BTRC: variants seen among roughly 807,000 people sequenced by gnomAD.
The protein encoded by BTRC is F-box/WD repeat-containing protein 1A.
A neutral mutation model predicts 85.5 loss-of-function variants in BTRC; 42 were observed. The ratio of observed to expected loss-of-function variants is 0.49; its 90% CI spans 0.38 to 0.64. The LOEUF (loss-of-function observed/expected upper bound fraction) is 0.64, where lower values mean the gene tolerates loss of function less well. Among genes scored for constraint, BTRC ranks in the 30% least tolerant of loss-of-function variants. BTRC has a pLI of 0.00. For missense variants in BTRC, 594 were observed against 743.5 expected, an observed-to-expected ratio of 0.80 and a Z score of 2.34; for synonymous variants, 255 against 263.3, an observed-to-expected ratio of 0.97 and a Z score of 0.30.
intron 4 of BTRC, among the ~76,000 whole-genome samples, chr10:101,500,798 C>A (rs1043078306): frequency 6.6e-6 from 1 of 152,144 alleles, no homozygotes; most frequent in Admixed American, 6.5e-5. Context: ...AGAATGATAG[C>A]ATTTCTTTGC....
At chr10:101,388,389 C>T (rs1215847390) in intron 1 of BTRC, among the ~76,000 whole-genome samples, 1 of 151,450 alleles carries the variant, frequency 6.6e-6, no homozygotes, top group Admixed American at 6.6e-5. Context: ...GACAGGGTCT[C>T]TCTCTGTTGC....
At chr10:101,392,488 TTTGTTG>T (rs906384636) in intron 1 of BTRC, among the ~76,000 whole-genome samples, 1 of 152,080 alleles carries the variant, frequency 6.6e-6, no homozygotes, top group Non-Finnish European at 1.5e-5. Context: ...TTGAAAGTTT[TTTGTTG>T]TTGTTGTTGT....
At chr10:101,357,708 A>G (rs1186026013) in intron 1 of BTRC, among the ~76,000 whole-genome samples, 1 of 152,204 alleles carries the variant, frequency 6.6e-6, no homozygotes, top group African/African-American at 2.4e-5. Context: ...TTGCTATACT[A>G]AAGTGCCTTG....
At chr10:101,550,476 G>T (rs2062632131) in intron 13 of BTRC, among the ~76,000 whole-genome samples, 1 of 151,890 alleles carries the variant, frequency 6.6e-6, no homozygotes, top group East Asian at 1.9e-4. Context: ...TAGAGATGGG[G>T]TTTCACTGTG....
At chr10:101,516,459 G>A (rs1312712132) in intron 4 of BTRC, among the ~76,000 whole-genome samples, 1 of 152,112 alleles carries the variant, frequency 6.6e-6, no homozygotes, top group Non-Finnish European at 1.5e-5. Context: ...GTGGTTGAGA[G>A]TAACCCATTT....
intron 4 of BTRC, among the ~76,000 whole-genome samples, chr10:101,500,388 G>T (rs1374268677): frequency 1.3e-5 from 2 of 152,160 alleles, no homozygotes; most frequent in African/African-American, 4.8e-5. Context: ...AGTTGTATAT[G>T]CAGTTATTGA....
At chr10:101,406,736 G>T (rs1374330002) in intron 1 of BTRC, among the ~76,000 whole-genome samples, 1 of 151,082 alleles carries the variant, frequency 6.6e-6, no homozygotes, top group Non-Finnish European at 1.5e-5. Flanking sequence ...GTTTTGCCAT[G>T]TTGGCCAGGC....
intron 4 of BTRC, among the ~76,000 whole-genome samples, chr10:101,485,464 A>G (rs901958755): frequency 7.2e-5 from 11 of 152,238 alleles, no homozygotes; most frequent in Non-Finnish European, 7.3e-5. Flanking sequence ...AGAGAAAGGC[A>G]GGACCCAGGT....
At chr10:101,442,177 A>C (rs1327133139) in intron 2 of BTRC, among the ~76,000 whole-genome samples, 1 of 152,114 alleles carries the variant, frequency 6.6e-6, no homozygotes, top group Non-Finnish European at 1.5e-5. Flanking sequence ...GATGGTGAAC[A>C]TCTGCTTAGA....
chr10:101,385,618 C>CTTTTT (rs36030307), intron 1 of BTRC, among the ~76,000 whole-genome samples: 163 of 79,632 alleles, frequency 2.0e-3, no homozygotes, highest in South Asian at 4.1e-3. Flanking sequence ...TCTTCTTCTT[C>CTTTTT]TTTTTTTTTT....
At chr10:101,365,739 A>C (rs1942354459) in intron 1 of BTRC, among the ~76,000 whole-genome samples, 1 of 152,194 alleles carries the variant, frequency 6.6e-6, no homozygotes, top group African/African-American at 2.4e-5. Flanking sequence ...GGCCTCCCAA[A>C]GTGCTGGGAT....
intron 1 of BTRC, among the ~76,000 whole-genome samples, chr10:101,429,582 CTT>C (rs1442956592): frequency 1.9e-3 from 258 of 135,092 alleles, no homozygotes; most frequent in Non-Finnish European, 2.5e-3. Context: ...CTTTCTCTCT[CTT>C]TTCTCTCTCC....
rs370212588 is a variant in BTRC at position 101,534,746 on chromosome 10, A to G, written c.1183A>G (p.Met395Val). The change falls in exon 10 of 15, where the codon ATG (methionine) becomes GTG (valine). Residue 395 changes from methionine to valine, a missense_variant. By Grantham distance (21) the Met-to-Val change is conservative. This residue lies in a region of BTRC where 373 missense variants were observed against 503.6 expected (regional missense o/e 0.74). Coordinates refer to ENST00000370187, the MANE Select transcript of BTRC (RefSeq NM_033637.4). Reference protein sequence around the residue: ...AVLHLRFNNGMMVTCSKDRSI... With the variant: ...AVLHLRFNNGVMVTCSKDRSI... Reference sequence around the variant, plus strand: ...TCTGCACTTGCGTTTCAATAATGGCATGATGGTGACCTGCTCCAAAGATCG... The same window carrying G: ...TCTGCACTTGCGTTTCAATAATGGCGTGATGGTGACCTGCTCCAAAGATCG... 6.2e-7 allele frequency: 1 copy of G among 1,614,214 alleles called. No homozygotes were observed. The highest frequency in any genetic ancestry group is 1.7e-5 in the Admixed American group (1 of 60,034).
rs750147596 is a variant in BTRC, at chr10:101,556,383, A to C, written c.*3260A>C. ...GGGGTGGGGAATACTGGAAATAATC[A>C]GGGCAATTTTTTTCTTTCCCATAAT... On this transcript the variant is annotated 3_prime_UTR_variant, in exon 15 of 15. Transcript: ENST00000370187. 1 of 152,192 alleles carries C rather than the reference A, an allele frequency of 6.6e-6. No individual in the cohort carries two copies. The highest frequency in any genetic ancestry group is 1.5e-5 in the Non-Finnish European group (1 of 68,054). The allele number at this position is 152,192 out of a possible 1,614,324, so 9.4% of individuals were successfully genotyped here.
chr10:101,532,797 TGC>T lies in BTRC; in HGVS notation c.979-142_979-141del, dbSNP rs5787439. On this transcript the variant is annotated intron_variant, in intron 8 of 14. Coordinates refer to ENST00000370187, the MANE Select transcript of BTRC (RefSeq NM_033637.4). ...GTGTGTGTGTGTGTGTGTGCGCGTG[TGC>T]GCGCGCGCGCGCTTAGCTATACCTA... Among the ~76,000 whole-genome samples, 335 of 141,270 alleles carry T rather than the reference TGC, an allele frequency of 2.4e-3. 9 individuals carry two copies. The highest frequency in any genetic ancestry group is 6.9e-3 in the African/African-American group (272 of 39,584). 92.7% of individuals were successfully genotyped at this position (141,270 alleles called of 152,430 possible). A position where few individuals can be genotyped will look rare whatever the true frequency, so the allele number is the denominator to read the frequency against.
intron 1 of BTRC, among the ~76,000 whole-genome samples, chr10:101,367,024 T>TATTAA (rs1379919682): frequency 1.6e-5 from 1 of 61,730 alleles, no homozygotes; most frequent in Non-Finnish European, 3.3e-5. Flanking sequence ...ATATTTATAT[T>TATTAA]TATATATTTA....
At chr10:101,409,546 T>A (rs1373433311) in intron 1 of BTRC, among the ~76,000 whole-genome samples, 1 of 152,206 alleles carries the variant, frequency 6.6e-6, no homozygotes, top group African/African-American at 2.4e-5. Flanking sequence ...ACCTAGGTAG[T>A]ATAGCCTACT....
At chr10:101,507,213 C>T (rs898541796) in intron 4 of BTRC, among the ~76,000 whole-genome samples, 5 of 152,096 alleles carry the variant, frequency 3.3e-5, no homozygotes, top group African/African-American at 1.2e-4. Flanking sequence ...AAGTTAACTG[C>T]CTGGAGTCTT....
At chr10:101,479,733 T>A (rs1383398725) in intron 4 of BTRC, among the ~76,000 whole-genome samples, 2 of 152,256 alleles carry the variant, frequency 1.3e-5, no homozygotes, top group African/African-American at 2.4e-5. Context: ...TCAGTAGGAT[T>A]TGTATAAGAT....
Sources: gnomAD v4.1 joint callset for allele counts (sites outside exome capture counted in the v4.1 genomes callset) on GRCh38, gnomAD v4.1.1 for gene constraint, gnomAD v4.1.1 regional missense constraint, MANE v1.5 for transcripts, NCBI Gene and HGNC (gene_info 2026-07-23, HGNC 2026-07-21) for gene names.